The following SDK1 variants were observed in gnomAD, a reference collection of about 807,000 sequenced individuals.
SDK1 encodes the protein sidekick cell adhesion molecule 1.
A neutral mutation model predicts 245.5 loss-of-function variants in SDK1; 157 were observed. The ratio of observed to expected loss-of-function variants is 0.64; its 90% confidence interval spans 0.56 to 0.73. The LOEUF (loss-of-function observed/expected upper bound fraction) is 0.73, where lower values mean the gene tolerates loss of function less well. Ranked by LOEUF, SDK1 falls within the 30% of genes least tolerant of loss-of-function variation. The probability of loss-of-function intolerance (pLI) is 0.00; values close to 1 mark genes in which losing one functional copy is unlikely to be tolerated. For missense variants in SDK1, 3,583 were observed against 3,002.3 expected (o/e 1.19, Z -4.52); for synonymous variants, 1,647 against 1,278.5 (o/e 1.29, Z -6.15).
At chr7:3,781,790 A>G (rs1180310143) in intron 4 of SDK1, among the ~76,000 whole-genome samples, 1 of 152,212 alleles carries the variant, frequency 6.6e-6, no homozygotes, top group Non-Finnish European at 1.5e-5. Context: ...TTCAATAGAA[A>G]GCTTCAGCAG....
intron 1 of SDK1, among the ~76,000 whole-genome samples, chr7:3,334,438 A>G (rs1349391913): frequency 6.6e-6 from 1 of 151,990 alleles, no homozygotes; most frequent in Non-Finnish European, 1.5e-5. Context: ...TCCCTTTCAA[A>G]TGACCACAGG....
At chr7:3,507,292 C>G (rs1782424655) in intron 1 of SDK1, among the ~76,000 whole-genome samples, 2 of 152,162 alleles carry the variant, frequency 1.3e-5, no homozygotes, top group South Asian at 4.1e-4. Context: ...AGACAAAAAC[C>G]AAGGGGACCT....
At chr7:3,549,419 T>A (rs1779332075) in intron 1 of SDK1, among the ~76,000 whole-genome samples, 1 of 152,220 alleles carries the variant, frequency 6.6e-6, no homozygotes, top group Admixed American at 6.5e-5. Flanking sequence ...CTTTGTGAGT[T>A]GCTATCTTAA....
chr7:4,130,906 GTAAC>G (rs1236887836), intron 27 of SDK1, among the ~76,000 whole-genome samples: 3 of 152,142 alleles, frequency 2.0e-5, no homozygotes, highest in Admixed American at 2.0e-4. Context: ...TCTTTGCTGA[GTAAC>G]TAAATGAGCC....
chr7:3,671,870 A>G (rs1283841781), intron 4 of SDK1, among the ~76,000 whole-genome samples: 1 of 152,120 alleles, frequency 6.6e-6, no homozygotes, highest in Non-Finnish European at 1.5e-5. Context: ...TGTCTGTGAG[A>G]TTGGGCAGGT....
chr7:4,027,982 G>T (rs999295899), intron 17 of SDK1, among the ~76,000 whole-genome samples: 34 of 151,848 alleles, frequency 2.2e-4, no homozygotes, highest in African/African-American at 7.7e-4. Flanking sequence ...AGGGAGAGAG[G>T]GAAGAAAGAA....
chr7:3,774,202 G>A lies in SDK1; in HGVS notation c.714-47248G>A, dbSNP rs190167750. ...TGCACTCCAGCCTGGGCGACAGAGC[G>A]AGACTCCATCTCAAAAAAAAAAAAA... On this transcript the variant is annotated intron_variant, in intron 4 of 44. Transcript: ENST00000404826. Among the ~76,000 whole-genome samples the A allele has an allele frequency of 3.2e-4, 44 of 138,114 alleles. No individual in the cohort carries two copies. In the East Asian group the frequency reaches 8.0e-3, roughly 25 times the overall value. 90.6% of individuals were successfully genotyped at this position (138,114 alleles called of 152,430 possible). A position where few individuals can be genotyped will look rare whatever the true frequency, so the allele number is the denominator to read the frequency against.
At position 3,962,665 on chromosome 7, in the gene SDK1, C is replaced by G. The variant is rs1217907672; in HGVS notation, c.1243C>G (p.Leu415Val). 4.4e-6 allele frequency: 7 copies of G among 1,608,186 alleles called. No individual in the cohort carries two copies. The highest frequency in any genetic ancestry group is 4.2e-6 in the Non-Finnish European group (5 of 1,176,700). The change falls in exon 9 of 45, where the codon CTT (leucine) becomes GTT (valine). Residue 415 changes from leucine (L) to valine (V), a missense_variant. Transcript: ENST00000404826. ...DIGCQAMGVP[L>V]PTLQWYKDAI... Reference sequence around the variant, plus strand: ...TTCCCATTCCTACGCAGGGGTCCCCCTTCCCACCCTCCAGTGGTACAAGGA... The same window carrying G: ...TTCCCATTCCTACGCAGGGGTCCCCGTTCCCACCCTCCAGTGGTACAAGGA...
At chr7:3,719,117 G>A (rs772962780) in intron 4 of SDK1, among the ~76,000 whole-genome samples, 1 of 152,024 alleles carries the variant, frequency 6.6e-6, no homozygotes, top group Non-Finnish European at 1.5e-5. Context: ...ACCCAAGTCT[G>A]TATTTCATTT....
chr7:3,564,437 C>T (rs547421420), intron 1 of SDK1, among the ~76,000 whole-genome samples: 6 of 151,746 alleles, frequency 4.0e-5, no homozygotes, highest in South Asian at 2.1e-4. Context: ...TGCAGTGAGC[C>T]GAGATTGCGC....
chr7:3,508,217 GAC>G (rs1461126950), intron 1 of SDK1, among the ~76,000 whole-genome samples: 1 of 151,794 alleles, frequency 6.6e-6, no homozygotes, highest in Non-Finnish European at 1.5e-5. Context: ...GATTCATGTG[GAC>G]AGTTGGCTGT....
intron 5 of SDK1, among the ~76,000 whole-genome samples, chr7:3,856,652 A>T (rs1205501336): frequency 6.6e-6 from 1 of 151,938 alleles, no homozygotes; most frequent in Admixed American, 6.6e-5. Context: ...TTAGCCAGGC[A>T]TGGTGGCGGG....
intron 1 of SDK1, among the ~76,000 whole-genome samples, chr7:3,349,677 G>T (rs4722716): frequency 0.24 from 35,746 of 152,048 alleles, 4,646 homozygotes; most frequent in East Asian, 0.38. Flanking sequence ...TCGGCTCACT[G>T]CAAGCTCCAC....
At chr7:3,684,717 A>C (rs897018276) in intron 4 of SDK1, among the ~76,000 whole-genome samples, 5 of 152,138 alleles carry the variant, frequency 3.3e-5, no homozygotes, top group African/African-American at 1.2e-4. Context: ...GCAGCTAGTC[A>C]TAAAAGTGCT....
At chr7:4,108,462 C>G (rs1008507746) in intron 22 of SDK1, among the ~76,000 whole-genome samples, 2 of 151,438 alleles carry the variant, frequency 1.3e-5, no homozygotes, top group Non-Finnish European at 2.9e-5. Flanking sequence ...GATGTCTACC[C>G]CAGTGCTGAG....
chr7:4,069,693 G>A (rs1035583203), intron 20 of SDK1, among the ~76,000 whole-genome samples: 6 of 152,216 alleles, frequency 3.9e-5, no homozygotes, highest in Non-Finnish European at 7.3e-5. Flanking sequence ...CTCCTGCCAG[G>A]CTGCAGGGTT....
chr7:3,453,087 G>A (rs1480000131), intron 1 of SDK1, among the ~76,000 whole-genome samples: 1 of 151,992 alleles, frequency 6.6e-6, no homozygotes. Context: ...CAGCACCATT[G>A]GTACCCATCC....
chr7:3,888,640 A>G (rs558205294), intron 5 of SDK1, among the ~76,000 whole-genome samples: 109 of 152,340 alleles, frequency 7.2e-4, no homozygotes, highest in African/African-American at 2.5e-3. Flanking sequence ...TAAATTATAC[A>G]AGAATAGGAT....
At chr7:4,190,365 C>T (rs1036119440) in intron 35 of SDK1, among the ~76,000 whole-genome samples, 4 of 152,162 alleles carry the variant, frequency 2.6e-5, no homozygotes, top group Non-Finnish European at 4.4e-5. Flanking sequence ...AAACATCTGC[C>T]GAAAGCCTAC....
Sources: allele counts gnomAD v4.1 joint callset (sites outside exome capture counted in the v4.1 genomes callset), GRCh38; gene constraint gnomAD v4.1.1; transcripts MANE v1.5; gene names NCBI Gene and HGNC (gene_info 2026-07-23, HGNC 2026-07-21).